TRIM23: variants seen among roughly 807,000 people sequenced by gnomAD.
TRIM23 encodes the protein tripartite motif containing 23, also known as E3 ubiquitin-protein ligase TRIM23.
Under a neutral mutation model 71.0 loss-of-function variants are expected in TRIM23, and 27 were observed. The observed-to-expected ratio is 0.38, with a 90% CI of 0.28 to 0.52. The LOEUF (loss-of-function observed/expected upper bound fraction) is 0.52. Among genes scored for constraint, TRIM23 ranks in the 20% least tolerant of loss-of-function variants. TRIM23 has a pLI of 0.84. For missense variants in TRIM23, 482 were observed against 692.3 expected (o/e 0.70, Z 3.41); for synonymous variants, 234 against 238.0 (o/e 0.98, Z 0.16).
chr5:65,624,063 G>A, intron 1 of TRIM23, 131 bp downstream of exon 1: 1 of 1,014,642 alleles, frequency 9.9e-7, no homozygotes. Flanking sequence ...GACGAGACTT[G>A]TAATGCCAAA....
intron 7 of TRIM23, among the ~76,000 whole-genome samples, chr5:65,599,125 T>C (rs559891219): frequency 6.3e-4 from 96 of 152,210 alleles, no homozygotes; most frequent in African/African-American, 2.0e-3. Context: ...AGATGTAAAA[T>C]TATATCTCTT....
Position 65,591,743 on chromosome 5 carries a change from A to G in TRIM23, c.*26T>C. On this transcript the variant is annotated 3_prime_UTR_variant, in exon 11 of 11. Coordinates refer to ENST00000231524, the MANE Select transcript of TRIM23 (RefSeq NM_001656.4). ...GTGCAAAGTTACTTTTAACCACAAAACTTCAAACAACTGCTGCCTTTAAAA... is the reference window on the plus strand; with the variant it reads ...GTGCAAAGTTACTTTTAACCACAAAGCTTCAAACAACTGCTGCCTTTAAAA... 6.3e-7 allele frequency: 1 copy of G among 1,585,496 alleles called. No individual in the cohort carries two copies.
intron 2 of TRIM23, among the ~76,000 whole-genome samples, chr5:65,615,969 A>T (rs971564709): frequency 2.6e-5 from 4 of 152,168 alleles, no homozygotes; most frequent in African/African-American, 9.7e-5. Flanking sequence ...AACCATCTGG[A>T]CCACCTCACT....
chr5:65,613,577 C>T (rs1174525774), intron 3 of TRIM23: 1 of 515,300 alleles, frequency 1.9e-6, no homozygotes, highest in African/African-American at 2.1e-5. Flanking sequence ...TTCATGGATT[C>T]TGATATTTAC....
chr5:65,611,075 C>T, intron 4 of TRIM23, 32 bp from the exon 5 acceptor site: 1 of 1,555,190 alleles, frequency 6.4e-7, no homozygotes, highest in South Asian at 1.2e-5. Flanking sequence ...GAGAAAAGAA[C>T]TCATAGTATT....
At position 65,590,547 on chromosome 5, in the gene TRIM23, T is replaced by TAA. The variant is rs3836739; in HGVS notation, c.*1220_*1221dup. 1.9e-5 allele frequency: 17 copies of TAA among 878,760 alleles called. No homozygotes were observed. Among genetic ancestry groups the TAA allele is most frequent in the African/African-American group, 1.1e-4 (6 of 55,644 alleles). The allele number at this position is 878,760 out of a possible 1,614,324, so 54.4% of individuals were successfully genotyped here. On this transcript the variant is annotated 3_prime_UTR_variant, in exon 11 of 11. Transcript: ENST00000231524. ...ACTTCATCCTAATGTATCAGAACAT[T>TAA]AAAAAAAAAAAAGTCTCAATGTACC...
intron 1 of TRIM23, among the ~76,000 whole-genome samples, chr5:65,622,859 A>T (rs1205290452): frequency 5.3e-5 from 8 of 152,136 alleles, no homozygotes; most frequent in Non-Finnish European, 2.9e-5. Context: ...ACAGGGTAAC[A>T]AAAAAATAGA....
intron 7 of TRIM23, chr5:65,604,556 G>A (rs1754447038): frequency 1.2e-5 from 2 of 160,540 alleles, no homozygotes; most frequent in Non-Finnish European, 2.7e-5. Flanking sequence ...AAGGGGAGAT[G>A]AAATAAGTTT....
chr5:65,622,107 A>C (rs1218400254), intron 1 of TRIM23, among the ~76,000 whole-genome samples: 1 of 151,966 alleles, frequency 6.6e-6, no homozygotes, highest in African/African-American at 2.4e-5. Context: ...TGCTGAGATT[A>C]AAGGTGTGAA....
chr5:65,613,280 A>G (rs1754697608), intron 3 of TRIM23, among the ~76,000 whole-genome samples: 1 of 152,224 alleles, frequency 6.6e-6, no homozygotes, highest in South Asian at 2.1e-4. Context: ...AGAACTGCAT[A>G]ACTTTTAGAA....
intron 7 of TRIM23, among the ~76,000 whole-genome samples, chr5:65,602,272 C>G (rs1203366828): frequency 6.6e-6 from 1 of 152,208 alleles, no homozygotes. Context: ...TCACCTCTCT[C>G]AAGTTTGAAG....
intron 7 of TRIM23, among the ~76,000 whole-genome samples, chr5:65,601,097 T>G (rs1754351715): frequency 6.6e-6 from 1 of 152,138 alleles, no homozygotes; most frequent in Admixed American, 6.6e-5. Flanking sequence ...CTCAAAAAAT[T>G]AAAAACAGAA....
At chr5:65,603,764 C>T (rs1381830055) in intron 7 of TRIM23, among the ~76,000 whole-genome samples, 1 of 151,988 alleles carries the variant, frequency 6.6e-6, no homozygotes, top group Non-Finnish European at 1.5e-5. Context: ...AGGGAGAACC[C>T]ACTTTAAAAG....
chr5:65,612,940 A>C (rs1561749426), intron 3 of TRIM23, among the ~76,000 whole-genome samples: 1 of 152,248 alleles, frequency 6.6e-6, no homozygotes, highest in Non-Finnish European at 1.5e-5. Context: ...CAAGTAGATA[A>C]AAAATTACAT....
intron 9 of TRIM23, among the ~76,000 whole-genome samples, chr5:65,596,215 T>A (rs1385748292): frequency 6.6e-6 from 1 of 152,200 alleles, no homozygotes; most frequent in African/African-American, 2.4e-5. Context: ...GTTTTTATTC[T>A]GTAATAATGG....
At chr5:65,606,857 T>C (rs1307719669) in intron 6 of TRIM23, 1 of 152,376 alleles carries the variant, frequency 6.6e-6, no homozygotes, top group East Asian at 1.9e-4. Flanking sequence ...CTTTCTAACA[T>C]ATAGTATAAT....
intron 6 of TRIM23, among the ~76,000 whole-genome samples, chr5:65,608,122 T>C (rs1284903808): frequency 2.0e-5 from 3 of 152,160 alleles, no homozygotes; most frequent in South Asian, 2.1e-4. Context: ...CCACTTCCAG[T>C]GCTAAAGGAA....
Position 65,591,318 on chromosome 5 carries a change from A to C in TRIM23, c.*451T>G. 2 of 1,416,952 alleles carry C rather than the reference A, an allele frequency of 1.4e-6. No homozygotes were observed. The highest frequency in any genetic ancestry group is 9.2e-7 in the Non-Finnish European group (1 of 1,085,834). 87.8% of individuals were successfully genotyped at this position (1,416,952 alleles called of 1,614,324 possible). A position where few individuals can be genotyped will look rare whatever the true frequency, so the allele number is the denominator to read the frequency against. The stretch of plus-strand genomic sequence containing the variant: ...TTAAGCAACTGTCATTTCTACTACT[A>C]AATGCTGCCAACATTCAGTGAAAAG... On this transcript the variant is annotated 3_prime_UTR_variant, in exon 11 of 11. Coordinates refer to ENST00000231524, the MANE Select transcript of TRIM23 (RefSeq NM_001656.4).
chr5:65,592,244 G>A (rs246398), intron 10 of TRIM23, among the ~76,000 whole-genome samples: 94,309 of 151,970 alleles, frequency 0.62, 29,517 homozygotes, highest in South Asian at 0.65. Flanking sequence ...TTTATCTTTT[G>A]AGACAGAGTC....
Sources: allele counts gnomAD v4.1 joint callset (sites outside exome capture counted in the v4.1 genomes callset), GRCh38; gene constraint gnomAD v4.1.1; transcripts MANE v1.5; gene names NCBI Gene and HGNC (gene_info 2026-07-23, HGNC 2026-07-21).